The following ERC1 variants were observed in gnomAD, a reference collection of about 807,000 sequenced individuals.
ERC1 encodes the protein ELKS/RAB6-interacting/CAST family member 1, also known as RAB6 interacting protein 2.
Under a neutral mutation model 132.0 loss-of-function variants are expected in ERC1, and 56 were observed. The ratio of observed to expected loss-of-function variants is 0.42; its 90% CI spans 0.34 to 0.53. The LOEUF (loss-of-function observed/expected upper bound fraction) is 0.53. Among genes scored for constraint, ERC1 ranks in the 20% least tolerant of loss-of-function variants. The pLI is 0.03. For missense variants in ERC1, 1,202 were observed against 1,349.9 expected, an observed-to-expected ratio of 0.89 and a Z score of 1.72; for synonymous variants, 478 against 476.1, an observed-to-expected ratio of 1.00 and a Z score of -0.05.
chr12:1,442,633 G>T (rs1592095906), intron 17 of ERC1, among the ~76,000 whole-genome samples: 1 of 152,170 alleles, frequency 6.6e-6, no homozygotes, highest in Non-Finnish European at 1.5e-5. Flanking sequence ...GCTGAAGATT[G>T]TTTTAGCCAC....
At chr12:1,487,954 C>T (rs542117792) in intron 18 of ERC1, among the ~76,000 whole-genome samples, 7 of 151,790 alleles carry the variant, frequency 4.6e-5, no homozygotes, top group East Asian at 2.0e-4. Context: ...CTGGCTAACA[C>T]GGTGAAGCCC....
chr12:1,035,101 C>G (rs1216284134), intron 2 of ERC1, among the ~76,000 whole-genome samples: 1 of 152,206 alleles, frequency 6.6e-6, no homozygotes, highest in Non-Finnish European at 1.5e-5. Context: ...CAATGAGATA[C>G]AGAGACAGAG....
intron 13 of ERC1, among the ~76,000 whole-genome samples, chr12:1,253,447 C>T (rs1435156778): frequency 3.3e-5 from 5 of 152,034 alleles, no homozygotes; most frequent in African/African-American, 9.7e-5. Flanking sequence ...GAAGCCGAGG[C>T]GGGCAGATCA....
At chr12:1,253,474 C>T (rs929951080) in intron 13 of ERC1, among the ~76,000 whole-genome samples, 2 of 151,986 alleles carry the variant, frequency 1.3e-5, no homozygotes, top group Non-Finnish European at 2.9e-5. Flanking sequence ...GTCAGGAGTT[C>T]GAGACTAGCC....
At chr12:1,236,641 T>C (rs2075432425) in intron 12 of ERC1, 128 bp from the exon 13 acceptor site, 2 of 883,654 alleles carry the variant, frequency 2.3e-6, no homozygotes, top group Non-Finnish European at 3.3e-6. Flanking sequence ...TGTTGAAAAA[T>C]TTCGCAGCAT....
intron 6 of ERC1, among the ~76,000 whole-genome samples, chr12:1,113,799 C>G (rs192072584): frequency 1.3e-5 from 2 of 152,258 alleles, no homozygotes; most frequent in Admixed American, 1.3e-4. Context: ...AATCCATAAA[C>G]AGTACAGTGG....
At chr12:1,189,354 TC>T (rs1810292952) in intron 11 of ERC1, among the ~76,000 whole-genome samples, 1 of 152,216 alleles carries the variant, frequency 6.6e-6, no homozygotes, top group Non-Finnish European at 1.5e-5. Context: ...GGCATCACAC[TC>T]CCAGTATCTG....
intron 2 of ERC1, among the ~76,000 whole-genome samples, chr12:1,041,468 AAG>A (rs1195459409): frequency 9.9e-5 from 15 of 152,124 alleles, no homozygotes; most frequent in African/African-American, 3.6e-4. Flanking sequence ...CAGCCTCCCA[AAG>A]TGCTGGGATT....
intron 15 of ERC1, among the ~76,000 whole-genome samples, chr12:1,322,692 A>G (rs2154354560): frequency 6.6e-6 from 1 of 152,196 alleles, no homozygotes; most frequent in South Asian, 2.1e-4. Flanking sequence ...AAATTTTCCA[A>G]TTCTAAGCTC....
At chr12:1,312,253 T>C (rs1207605666) in intron 15 of ERC1, among the ~76,000 whole-genome samples, 1 of 152,216 alleles carries the variant, frequency 6.6e-6, no homozygotes, top group African/African-American at 2.4e-5. Flanking sequence ...GACCTCTAGC[T>C]TTAAGCAGTA....
chr12:1,377,322 A>G (rs2088056986), intron 16 of ERC1, among the ~76,000 whole-genome samples: 2 of 152,142 alleles, frequency 1.3e-5, no homozygotes, highest in African/African-American at 4.8e-5. Flanking sequence ...TTTGACATTC[A>G]CTGATTAGGT....
chr12:1,348,874 C>A (rs1045125139), intron 15 of ERC1, among the ~76,000 whole-genome samples: 4 of 152,106 alleles, frequency 2.6e-5, no homozygotes, highest in Non-Finnish European at 4.4e-5. Flanking sequence ...AAGCTTCAAG[C>A]CTTGAAATAT....
chr12:1,480,695 C>T (rs1257168901), intron 18 of ERC1: 2 of 545,708 alleles, frequency 3.7e-6, no homozygotes, highest in Non-Finnish European at 6.4e-6. Flanking sequence ...CCTAAAGGGG[C>T]CTGCCTTGAG....
rs1215406119 is a variant in ERC1, at chr12:1,493,706, C to T, written c.*3476C>T. On this transcript the variant is annotated 3_prime_UTR_variant, in exon 19 of 19. Coordinates refer to ENST00000360905, the MANE Select transcript of ERC1 (RefSeq NM_178040.4). ...TGGGTTTTAGAAATAACTTGTAAAG[C>T]AGACTGGACCCAAGGCCGCCTTCAG... The T allele has an allele frequency of 4.9e-6, 1 of 204,730 alleles. No individual in the cohort carries two copies. Among genetic ancestry groups the T allele is most frequent in the African/African-American group, 2.3e-5 (1 of 43,294 alleles). 12.7% of individuals were successfully genotyped at this position (204,730 alleles called of 1,614,324 possible).
At chr12:1,441,122 G>A (rs373803996) in intron 17 of ERC1, among the ~76,000 whole-genome samples, 9 of 151,522 alleles carry the variant, frequency 5.9e-5, no homozygotes, top group Admixed American at 1.3e-4. Flanking sequence ...GCAATGGTGC[G>A]ATCTCGGCTC....
intron 8 of ERC1, chr12:1,153,018 G>C (rs1376454950): frequency 6.6e-6 from 1 of 152,274 alleles, no homozygotes; most frequent in African/African-American, 2.4e-5. Flanking sequence ...TCCGTTGGAG[G>C]CCTCCTGGAG....
intron 8 of ERC1, among the ~76,000 whole-genome samples, chr12:1,148,012 G>A (rs145434017): frequency 3.9e-5 from 6 of 152,222 alleles, no homozygotes; most frequent in Non-Finnish European, 7.4e-5. Flanking sequence ...GAAAGATTGC[G>A]TGGGTCTTCA....
chr12:1,424,003 T>G lies in ERC1; in HGVS notation c.3024+15756T>G, dbSNP rs560370727. Among the ~76,000 whole-genome samples the G allele has an allele frequency of 2.0e-5, 3 of 152,256 alleles. No homozygotes were observed. In the South Asian group the frequency reaches 6.2e-4, roughly 32 times the overall value. On this transcript the variant is annotated intron_variant, in intron 17 of 18. Transcript: ENST00000360905. ...TTTTAGTATTTTCTGGGTGGCAGAT[T>G]GCCAGATAATATGGTTTCGTGTGTG...
intron 1 of ERC1, among the ~76,000 whole-genome samples, chr12:1,026,757 A>G (rs1966958213): frequency 6.6e-6 from 1 of 152,260 alleles, no homozygotes; most frequent in African/African-American, 2.4e-5. Flanking sequence ...GTACAAATGA[A>G]GAATTATGGA....
Sources: gnomAD v4.1 joint callset for allele counts (sites outside exome capture counted in the v4.1 genomes callset) on GRCh38, gnomAD v4.1.1 for gene constraint, MANE v1.5 for transcripts, NCBI Gene and HGNC (gene_info 2026-07-23, HGNC 2026-07-21) for gene names.